DCAF6: variants seen among roughly 807,000 people sequenced by gnomAD.
The protein encoded by DCAF6 is DDB1 and CUL4 associated factor 6.
DCAF6 carries 54 observed loss-of-function variants against 125.1 expected under a neutral mutation model. The observed-to-expected ratio is 0.43, with a 90% confidence interval of 0.35 to 0.54. The LOEUF (loss-of-function observed/expected upper bound fraction) is 0.54. Ranked by LOEUF, DCAF6 falls within the 20% of genes least tolerant of loss-of-function variation. DCAF6 has a pLI of 0.01. For synonymous variants in DCAF6, 371 were observed against 390.4 expected (o/e 0.95, Z 0.58); for missense variants, 934 against 1,161.7 (o/e 0.80, Z 2.85).
At chr1:167,989,026 G>A (rs538558522) in intron 5 of DCAF6, among the ~76,000 whole-genome samples, 4 of 151,330 alleles carry the variant, frequency 2.6e-5, no homozygotes, top group African/African-American at 9.7e-5. Flanking sequence ...GTTGCAGTGA[G>A]CCGAGATCAC....
chr1:167,926,531 A>C, the DCAF6 span, among the ~76,000 whole-genome samples: 1 of 152,354 alleles, frequency 6.6e-6, no homozygotes, highest in African/African-American at 2.4e-5. Context: ...AATTTAACTA[A>C]ATATTAGCCA....
intron 12 of DCAF6, among the ~76,000 whole-genome samples, chr1:168,027,991 T>C (rs1686562995): frequency 6.6e-6 from 1 of 152,116 alleles, no homozygotes; most frequent in Non-Finnish European, 1.5e-5. Flanking sequence ...TATAAAATAA[T>C]TTTCAGTGTT....
the DCAF6 span, among the ~76,000 whole-genome samples, chr1:167,867,764 C>T: frequency 9.3e-5 from 14 of 151,122 alleles, 1 homozygote; most frequent in Admixed American, 5.3e-4. Flanking sequence ...GAATAAGATG[C>T]GGTTCTTTAA....
chr1:168,007,142 A>G (rs1010490559), intron 10 of DCAF6, among the ~76,000 whole-genome samples: 6 of 152,190 alleles, frequency 3.9e-5, no homozygotes, highest in African/African-American at 1.2e-4. Flanking sequence ...CCTACTGTCA[A>G]TAATTTCCCA....
chr1:167,960,075 A>T (rs376217442), intron 2 of DCAF6, among the ~76,000 whole-genome samples: 2 of 150,768 alleles, frequency 1.3e-5, no homozygotes, highest in Non-Finnish European at 3.0e-5. Flanking sequence ...TTTTATTTTT[A>T]TTTTTTTTGC....
intron 2 of DCAF6, among the ~76,000 whole-genome samples, chr1:167,962,524 C>A (rs908495930): frequency 2.0e-5 from 3 of 152,110 alleles, no homozygotes; most frequent in Non-Finnish European, 2.9e-5. Flanking sequence ...CTCCTGTTTT[C>A]TTTTGATTTG....
chr1:167,909,391 A>C, the DCAF6 span, among the ~76,000 whole-genome samples: 1 of 152,282 alleles, frequency 6.6e-6, no homozygotes, highest in Admixed American at 6.5e-5. Context: ...TCCTGGGTAT[A>C]TACACAGGAG....
At chr1:167,966,542 A>G in intron 2 of DCAF6, 87 bp from the exon 3 acceptor site, 1 of 854,196 alleles carries the variant, frequency 1.2e-6, no homozygotes, top group East Asian at 2.4e-5. Flanking sequence ...ATTAGTGGTA[A>G]AAATTTTGTA....
chr1:167,915,750 C>G, the DCAF6 span, among the ~76,000 whole-genome samples: 1 of 152,154 alleles, frequency 6.6e-6, no homozygotes, highest in Non-Finnish European at 1.5e-5. Context: ...CGCGCCTGGC[C>G]CGTTTCCTGA....
Position 168,004,009 on chromosome 1 carries a change from A to G in DCAF6, c.1117+20A>G. 1 of 1,605,598 alleles carries G rather than the reference A, an allele frequency of 6.2e-7. No individual in the cohort carries two copies. Among genetic ancestry groups the G allele is most frequent in the Non-Finnish European group, 8.5e-7 (1 of 1,176,018 alleles). On this transcript the variant is annotated intron_variant, in intron 9 of 21. Coordinates refer to ENST00000367840, the MANE Select transcript of DCAF6 (RefSeq NM_001198956.2). ...CCAGAGGTAATTTTTAATGTTAATT[A>G]AAGTCATCAGAAAGCTGGCAAAAAC... is the stretch of plus-strand genomic sequence containing the variant.
chr1:167,878,602 A>G, the DCAF6 span: 2 of 1,614,184 alleles, frequency 1.2e-6, no homozygotes, highest in South Asian at 1.1e-5. Flanking sequence ...GTACATCATC[A>G]TCCTGGCAGC....
the DCAF6 span, among the ~76,000 whole-genome samples, chr1:167,881,295 G>A: frequency 1.3e-5 from 2 of 152,216 alleles, no homozygotes; most frequent in Admixed American, 6.5e-5. Flanking sequence ...CCTCAGTCAG[G>A]TGCTGTTGTC....
chr1:167,942,741 T>C (rs1179460404), intron 1 of DCAF6, among the ~76,000 whole-genome samples: 1 of 152,224 alleles, frequency 6.6e-6, no homozygotes, highest in Non-Finnish European at 1.5e-5. Flanking sequence ...TTCATTTCTT[T>C]GCATATTAAT....
chr1:167,935,586 G>T, upstream of DCAF6: 2 of 661,406 alleles, frequency 3.0e-6, no homozygotes, highest in Non-Finnish European at 5.4e-6. Flanking sequence ...GAAATGCACA[G>T]GCTAGGAGAG....
chr1:168,074,913 T>C (rs1164389200), intron 21 of DCAF6, among the ~76,000 whole-genome samples: 1 of 152,218 alleles, frequency 6.6e-6, no homozygotes, highest in East Asian at 1.9e-4. Flanking sequence ...TACATCTGTT[T>C]TGGTCACCAT....
intron 1 of DCAF6, among the ~76,000 whole-genome samples, chr1:167,938,958 A>G (rs1451443886): frequency 6.6e-6 from 1 of 152,226 alleles, no homozygotes; most frequent in East Asian, 1.9e-4. Context: ...GTATGTATAC[A>G]TACAGGGAGT....
Position 168,045,000 on chromosome 1 carries a change from T to C in DCAF6, c.2031T>C (p.Ala677=). 1.2e-6 allele frequency: 2 copies of C among 1,614,078 alleles called. No individual in the cohort carries two copies. Among genetic ancestry groups the C allele is most frequent in the Middle Eastern group, 1.6e-4 (1 of 6,062 alleles). ...CTTGTGGGGTTCCAGAAGAATCTGC[T>C]TCATCTGAAAAAGCCAAGGAACCAG... The part of the protein sequence containing the change: ...DRSCGVPEES[A]SSEKAKEPET... The change falls in exon 16 of 22, where the codon GCT becomes GCC. Residue 677 remains alanine (A), a synonymous_variant. Transcript: ENST00000367840.
rs1458181578 is a variant in DCAF6 at position 168,009,438 on chromosome 1, C to T, written c.1378+4645C>T. ...CTTTTGTTTCTTTCTGTCTCTCTCT[C>T]TTTCTTTCTTTCTGTCTCTCTCTCT... On this transcript the variant is annotated intron_variant, in intron 10 of 21. Coordinates refer to ENST00000367840, the MANE Select transcript of DCAF6 (RefSeq NM_001198956.2). 6.4e-5 allele frequency among the ~76,000 whole-genome samples: 6 copies of T among 94,248 alleles called. No individual in the cohort carries two copies. The East Asian group carries it at 1.7e-3, about 27-fold the overall frequency. The allele number at this position is 94,248 out of a possible 152,430, so 61.8% of individuals were successfully genotyped here.
At chr1:167,877,078 A>G in the DCAF6 span, among the ~76,000 whole-genome samples, 1 of 151,828 alleles carries the variant, frequency 6.6e-6, no homozygotes, top group Non-Finnish European at 1.5e-5. Flanking sequence ...ATAAATGTTT[A>G]TTTTTGCACA....
Sources: allele counts gnomAD v4.1 joint callset (sites outside exome capture counted in the v4.1 genomes callset), GRCh38; gene constraint gnomAD v4.1.1; transcripts MANE v1.5; gene names NCBI Gene and HGNC (gene_info 2026-07-23, HGNC 2026-07-21).